The following DAG1 variants were observed in gnomAD, a reference collection of about 807,000 sequenced individuals.
The protein encoded by DAG1 is dystroglycan 1 (dystrophin-associated glycoprotein 1).
A neutral mutation model predicts 46.1 loss-of-function variants in DAG1; 8 were observed. That is an observed-to-expected ratio of 0.17 (90% CI 0.10 to 0.31). The LOEUF (loss-of-function observed/expected upper bound fraction) is 0.31. Ranked by LOEUF, DAG1 falls within the 10% of genes least tolerant of loss-of-function variation. The probability of loss-of-function intolerance (pLI) is 1.00; values close to 1 mark genes in which losing one functional copy is unlikely to be tolerated. For missense variants in DAG1, 1,003 were observed against 1,189.9 expected (o/e 0.84, Z 2.31); for synonymous variants, 495 against 481.8 (o/e 1.03, Z -0.36).
chr3:49,507,773 C>T (rs2050647020), intron 1 of DAG1, among the ~76,000 whole-genome samples: 1 of 151,886 alleles, frequency 6.6e-6, no homozygotes, highest in East Asian at 1.9e-4. Flanking sequence ...TCAAGCCAAC[C>T]TTCTTCCTTA....
chr3:49,532,036 T>C lies in DAG1; in HGVS notation c.1525T>C (p.Trp509Arg). The C allele has an allele frequency of 6.2e-7, 1 of 1,614,198 alleles. No individual in the cohort carries two copies. Among genetic ancestry groups the C allele is most frequent in the Non-Finnish European group, 8.5e-7 (1 of 1,180,038 alleles). The part of the protein sequence containing the change: ...LKNHIDRVDA[W>R]VGTYFEVKIP... ...GAACCATATTGACAGGGTAGATGCC[T>C]GGGTTGGCACCTACTTTGAGGTGAA... Residue 509 changes from tryptophan (W) to arginine (R), a missense_variant, in exon 3 of 3, where the codon TGG (tryptophan) becomes CGG (arginine). This residue lies in a region of DAG1 where 755 missense variants were observed against 854.1 expected (regional missense o/e 0.88). Transcript: ENST00000308775. This position sits in a 1 kb window ranked among gnomAD's most constrained non-coding sequence, Gnocchi z 5.4.
At chr3:49,478,435 A>AAG (rs2049753772) in intron 1 of DAG1, among the ~76,000 whole-genome samples, 1 of 147,990 alleles carries the variant, frequency 6.8e-6, no homozygotes, top group South Asian at 2.1e-4. Flanking sequence ...TCTCTACAAA[A>AAG]AATAAAAAAA....
intron 2 of DAG1, among the ~76,000 whole-genome samples, chr3:49,527,226 C>G (rs1282591349): frequency 6.7e-6 from 1 of 149,148 alleles, no homozygotes; most frequent in Non-Finnish European, 1.5e-5. Context: ...CCCGTCTCTA[C>G]TAAAAATACG....
chr3:49,488,269 T>C (rs2050090059), intron 1 of DAG1, among the ~76,000 whole-genome samples: 1 of 152,196 alleles, frequency 6.6e-6, no homozygotes, highest in African/African-American at 2.4e-5. Context: ...CTTATGTTAT[T>C]AATGAAAGAG....
In DAG1 at chr3:49,532,924, G is replaced by T. The variant is rs1240084610; in HGVS notation, c.2413G>T (p.Asp805Tyr). 3 of 1,614,080 alleles carry T rather than the reference G, an allele frequency of 1.9e-6. No homozygotes were observed. The highest frequency in any genetic ancestry group is 2.5e-6 in the Non-Finnish European group (3 of 1,180,016). ...GCCTATCATCTTTGCAGACGAACTG[G>T]ACGACTCCAAGCCCCCACCCTCCTC... is the stretch of plus-strand genomic sequence containing the variant. ...GVPIIFADEL[D>Y]DSKPPPSSSM... is the part of the protein sequence containing the mutation. Residue 805 changes from aspartate (D) to tyrosine (Y), a missense_variant, in exon 3 of 3, where the codon GAC (aspartate) becomes TAC (tyrosine). This residue lies in a region of DAG1 where 755 missense variants were observed against 854.1 expected (regional missense o/e 0.88). Coordinates refer to ENST00000308775, the MANE Select transcript of DAG1 (RefSeq NM_004393.6). The surrounding 1 kb of genome is among the most constrained non-coding windows in gnomAD (Gnocchi z 5.4).
At chr3:49,519,802 A>C (rs1361010624) in intron 2 of DAG1, among the ~76,000 whole-genome samples, 1 of 152,250 alleles carries the variant, frequency 6.6e-6, no homozygotes, top group African/African-American at 2.4e-5. Flanking sequence ...TCAGGGCTCC[A>C]GATTGAAGGA....
chr3:49,488,881 G>A (rs1476679217), intron 1 of DAG1: 1 of 151,822 alleles, frequency 6.6e-6, no homozygotes, highest in Admixed American at 6.6e-5. Context: ...CGGCAAAAAA[G>A]GAACAGTTTT....
At chr3:49,472,159 A>G (rs1254552162) in intron 1 of DAG1, among the ~76,000 whole-genome samples, 1 of 152,028 alleles carries the variant, frequency 6.6e-6, no homozygotes, top group East Asian at 1.9e-4. Flanking sequence ...CTGTGTTTAG[A>G]AAGATATTGC....
At chr3:49,508,146 G>T (rs1250275277) in intron 1 of DAG1, among the ~76,000 whole-genome samples, 4 of 139,640 alleles carry the variant, frequency 2.9e-5, no homozygotes, top group African/African-American at 1.1e-4. Flanking sequence ...TTTCATTGGG[G>T]TTTTTTGCTT....
At chr3:49,479,074 T>C (rs2049785856) in intron 1 of DAG1, among the ~76,000 whole-genome samples, 1 of 151,986 alleles carries the variant, frequency 6.6e-6, no homozygotes. Flanking sequence ...CCCAAAGTGC[T>C]GGGATTACAG....
chr3:49,523,564 G>C (rs1280724422), intron 2 of DAG1, among the ~76,000 whole-genome samples: 1 of 152,128 alleles, frequency 6.6e-6, no homozygotes, highest in African/African-American at 2.4e-5. Flanking sequence ...CTCCCTCATT[G>C]CCTGTTGCCT....
chr3:49,532,241 T>C lies in DAG1; in HGVS notation c.1730T>C (p.Met577Thr), dbSNP rs1380891652. ...SSHVGKHEYF[M>T]HATDKGGLSA... The stretch of plus-strand genomic sequence containing the variant: ...CACGTGGGCAAACACGAGTATTTCA[T>C]GCATGCCACAGACAAGGGGGGCCTG... Residue 577 changes from methionine (M) to threonine (T), a missense_variant, in exon 3 of 3, where the codon ATG (methionine) becomes ACG (threonine). This residue lies in a region of DAG1 where 755 missense variants were observed against 854.1 expected (regional missense o/e 0.88). Transcript: ENST00000308775. The surrounding 1 kb of genome is among the most constrained non-coding windows in gnomAD (Gnocchi z 5.4). 11 of 1,613,974 alleles carry C rather than the reference T, an allele frequency of 6.8e-6. No individual in the cohort carries two copies. The highest frequency in any genetic ancestry group is 7.6e-6 in the Non-Finnish European group (9 of 1,179,812).
chr3:49,531,110 C>G lies in DAG1; in HGVS notation c.599C>G (p.Thr200Ser), dbSNP rs41290704. ...VLTVILDADLTKMTPKQRIDL... is the reference protein window; with the variant it reads ...VLTVILDADLSKMTPKQRIDL... ...ACGGTGATTTTGGATGCCGACCTCA[C>G]CAAGATGACCCCAAAGCAAAGGATT... Residue 200 changes from threonine to serine, a missense_variant, in exon 3 of 3, where the codon ACC (threonine) becomes AGC (serine). Coordinates refer to ENST00000308775, the MANE Select transcript of DAG1 (RefSeq NM_004393.6). The surrounding 1 kb of genome is among the most constrained non-coding windows in gnomAD (Gnocchi z 7.0). The G allele has an allele frequency of 2.0e-3, 3,297 of 1,614,194 alleles. 8 individuals carry two copies. The highest frequency in any genetic ancestry group is 2.5e-3 in the Non-Finnish European group (2,983 of 1,180,040).
chr3:49,512,405 A>G (rs756982734), intron 2 of DAG1, among the ~76,000 whole-genome samples: 32 of 151,014 alleles, frequency 2.1e-4, no homozygotes, highest in Non-Finnish European at 3.8e-4. Flanking sequence ...TAATTAATTA[A>G]TTTTGAGATG....
rs754181564 is a variant in DAG1, at chr3:49,510,722, C to T, written c.188C>T (p.Thr63Ile). ...TCAGACCTCCACGAGGCTGTTCCCA[C>T]AGTGGTTGGCATTCCTGATGGCACG... ...VLSDLHEAVP[T>I]VVGIPDGTAV... The change falls in exon 2 of 3, where the codon ACA (threonine) becomes ATA (isoleucine). Residue 63 changes from threonine to isoleucine, a missense_variant. Thr to Ile is a moderately conservative substitution (Grantham distance 89). Coordinates refer to ENST00000308775, the MANE Select transcript of DAG1 (RefSeq NM_004393.6). 1 of 1,614,196 alleles carries T rather than the reference C, an allele frequency of 6.2e-7. No individual in the cohort carries two copies. Among genetic ancestry groups the T allele is most frequent in the Admixed American group, 1.7e-5 (1 of 60,010 alleles).
At chr3:49,528,748 G>T (rs566197712) in intron 2 of DAG1, among the ~76,000 whole-genome samples, 6 of 152,086 alleles carry the variant, frequency 3.9e-5, no homozygotes, top group Non-Finnish European at 8.8e-5. Flanking sequence ...GCACATCTTA[G>T]AGTTGATGCA....
At chr3:49,514,138 T>C (rs1004824515) in intron 2 of DAG1, among the ~76,000 whole-genome samples, 9 of 152,214 alleles carry the variant, frequency 5.9e-5, no homozygotes, top group Non-Finnish European at 8.8e-5. Flanking sequence ...GATGAAGATG[T>C]GTGACTCTTC....
intron 1 of DAG1, among the ~76,000 whole-genome samples, chr3:49,488,363 C>T (rs2050092133): frequency 6.6e-6 from 1 of 152,160 alleles, no homozygotes; most frequent in East Asian, 1.9e-4. Flanking sequence ...GGACATTTTG[C>T]CAAATCTAAC....
chr3:49,517,283 G>A (rs938362906), intron 2 of DAG1, among the ~76,000 whole-genome samples: 8 of 152,120 alleles, frequency 5.3e-5, no homozygotes, highest in East Asian at 1.9e-4. Context: ...GAGAGCCACC[G>A]CACCCAGCCC....
Sources: gnomAD v4.1 joint callset for allele counts (sites outside exome capture counted in the v4.1 genomes callset) on GRCh38, gnomAD v4.1.1 for gene constraint, gnomAD v4.1.1 regional missense constraint, Gnocchi (gnomAD v3.1) non-coding constraint, MANE v1.5 for transcripts, NCBI Gene and HGNC (gene_info 2026-07-23, HGNC 2026-07-21) for gene names.